The following PDE4D variants were observed in gnomAD, a reference collection of about 807,000 sequenced individuals.
PDE4D encodes the protein phosphodiesterase 4D.
A neutral mutation model predicts 87.4 loss-of-function variants in PDE4D; 24 were observed. The ratio of observed to expected loss-of-function variants is 0.27; its 90% CI spans 0.20 to 0.39. The LOEUF (loss-of-function observed/expected upper bound fraction) is 0.39, where lower values mean the gene tolerates loss of function less well. Ranked by LOEUF, PDE4D falls within the 10% of genes least tolerant of loss-of-function variation. PDE4D has a pLI of 1.00. For synonymous variants in PDE4D, 384 were observed against 383.2 expected (o/e 1.00, Z -0.02); for missense variants, 714 against 1,041.0 (o/e 0.69, Z 4.32).
At chr5:59,903,333 T>C (rs928143237) in intron 3 of PDE4D, among the ~76,000 whole-genome samples, 8 of 151,844 alleles carry the variant, frequency 5.3e-5, no homozygotes, top group East Asian at 3.8e-4. Context: ...TAGTTTAAAA[T>C]AGAAGATGGG....
At position 59,447,837 on chromosome 5, in the gene PDE4D, G is replaced by A. The variant is rs552532537; in HGVS notation, c.456-231869C>T. On this transcript the variant is annotated intron_variant, in intron 1 of 14. Coordinates refer to ENST00000340635, the MANE Select transcript of PDE4D (RefSeq NM_001104631.2). ...GGCATGTGCATGGAAGAGATCTGTG[G>A]CATTTCTAAACAGAAGTTTTAAAAA... Among the ~76,000 whole-genome samples, 11 of 152,278 alleles carry A rather than the reference G, an allele frequency of 7.2e-5. No homozygotes were observed. The South Asian group carries it at 1.9e-3, about 26-fold the overall frequency.
chr5:60,414,906 C>T lies in PDE4D; in HGVS notation c.-90+73036G>A, dbSNP rs1262058481. Reference sequence around the variant, plus strand: ...AAAGTGCCTCTTCGTCTCTGGTATACGTTTTAAAATCTCTCCTTGGTTAAG... The same window carrying T: ...AAAGTGCCTCTTCGTCTCTGGTATATGTTTTAAAATCTCTCCTTGGTTAAG... On this transcript the variant is annotated intron_variant, in intron 1 of 16. Coordinates refer to the PDE4D transcript ENST00000502484. 3.3e-5 allele frequency among the ~76,000 whole-genome samples: 5 copies of T among 151,652 alleles called. No homozygotes were observed. The East Asian group carries it at 7.7e-4, about 23-fold the overall frequency.
chr5:59,348,740 T>C (rs154031), intron 1 of PDE4D, among the ~76,000 whole-genome samples: 45,415 of 151,274 alleles, frequency 0.3, 7,644 homozygotes, highest in East Asian at 0.38. Context: ...CAATCCATCT[T>C]TCCTCTTTAT....
intron 1 of PDE4D, among the ~76,000 whole-genome samples, chr5:60,391,327 G>A (rs909341126): frequency 1.3e-5 from 2 of 152,142 alleles, no homozygotes; most frequent in African/African-American, 4.8e-5. Context: ...CAGCCACCCC[G>A]CAGATTAGTT....
At chr5:59,778,892 C>T (rs1202671474) in intron 1 of PDE4D, among the ~76,000 whole-genome samples, 1 of 152,188 alleles carries the variant, frequency 6.6e-6, no homozygotes, top group East Asian at 1.9e-4. Context: ...TAGGCCAGTG[C>T]AGTGGCTCAC....
Position 59,185,174 on chromosome 5 carries a change from A to T in PDE4D, c.758+15T>A, listed in dbSNP as rs547642323. On this transcript the variant is annotated intron_variant, in intron 4 of 14. Transcript: ENST00000340635. ...AAGTTCAGCAAAAAAGAGGGGGGAA[A>T]AAAGGATATCTTACTTGCTAGGTGC... The T allele has an allele frequency of 1.2e-5, 20 of 1,602,352 alleles. No individual in the cohort carries two copies. The highest frequency in any genetic ancestry group is 1.7e-5 in the Non-Finnish European group (20 of 1,171,804).
chr5:59,586,502 T>C (rs1254902419), intron 1 of PDE4D: 57 of 1,056,066 alleles, frequency 5.4e-5, no homozygotes, highest in Middle Eastern at 3.6e-4. Context: ...AAGTATTGAA[T>C]CCCAAAAAAA....
chr5:59,680,062 C>A (rs1398604760), intron 1 of PDE4D, among the ~76,000 whole-genome samples: 1 of 152,008 alleles, frequency 6.6e-6, no homozygotes, highest in Non-Finnish European at 1.5e-5. Context: ...GCATTTTATC[C>A]ATTTTTAAAG....
At chr5:59,947,786 A>G (rs1490490454) in intron 3 of PDE4D, among the ~76,000 whole-genome samples, 2 of 152,320 alleles carry the variant, frequency 1.3e-5, no homozygotes, top group East Asian at 3.9e-4. Flanking sequence ...AGGCAGGTGG[A>G]TCACAAGGTC....
rs185542740 is a variant in PDE4D at position 59,656,505 on chromosome 5, C to T, written c.455+236663G>A. Among the ~76,000 whole-genome samples, 8 of 152,272 alleles carry T rather than the reference C, an allele frequency of 5.3e-5. No homozygotes were observed. The East Asian group carries it at 5.8e-4, about 11-fold the overall frequency. On this transcript the variant is annotated intron_variant, in intron 1 of 14. Transcript: ENST00000340635. The stretch of plus-strand genomic sequence containing the variant: ...TAAGTCCACGTGTCATGTGGCTGAC[C>T]AGAAAGCAGTTATAGCCAATGACAC...
At chr5:59,013,236 C>A (rs4700318) in intron 6 of PDE4D, among the ~76,000 whole-genome samples, 31,142 of 151,688 alleles carry the variant, frequency 0.21, 3,656 homozygotes, top group East Asian at 0.55. Flanking sequence ...CACAATTAAA[C>A]GAACTAGAAA....
At chr5:59,333,887 A>G (rs1440994805) in intron 1 of PDE4D, among the ~76,000 whole-genome samples, 1 of 151,932 alleles carries the variant, frequency 6.6e-6, no homozygotes, top group African/African-American at 2.4e-5. Context: ...AATCTCATTA[A>G]GTAAATATAA....
chr5:59,200,620 T>C (rs1358646865), intron 2 of PDE4D, among the ~76,000 whole-genome samples: 2 of 136,596 alleles, frequency 1.5e-5, no homozygotes, highest in East Asian at 4.3e-4. Flanking sequence ...GATACACGTA[T>C]ACATACACGT....
At chr5:60,462,505 T>A (rs897454092) in intron 1 of PDE4D, among the ~76,000 whole-genome samples, 20 of 152,246 alleles carry the variant, frequency 1.3e-4, no homozygotes, top group Middle Eastern at 3.4e-3. Flanking sequence ...ATAAATCATA[T>A]AATGAAATGA....
At chr5:59,572,189 T>C (rs1177259500) in intron 1 of PDE4D, among the ~76,000 whole-genome samples, 1 of 152,162 alleles carries the variant, frequency 6.6e-6, no homozygotes, top group Non-Finnish European at 1.5e-5. Flanking sequence ...CCTTAAGAAT[T>C]ACAAAAGGTT....
intron 5 of PDE4D, among the ~76,000 whole-genome samples, chr5:59,146,539 G>C (rs1778687092): frequency 6.6e-6 from 1 of 151,794 alleles, no homozygotes; most frequent in Admixed American, 6.6e-5. Flanking sequence ...AAATGAGTTA[G>C]TTGTTTCATC....
chr5:59,435,363 C>T (rs1796653893), intron 1 of PDE4D, among the ~76,000 whole-genome samples: 2 of 152,176 alleles, frequency 1.3e-5, no homozygotes, highest in Admixed American at 1.3e-4. Context: ...GCTCTCCCTT[C>T]CTCTCCTGTA....
At chr5:59,172,121 A>G (rs1403496798) in intron 5 of PDE4D, among the ~76,000 whole-genome samples, 1 of 83,900 alleles carries the variant, frequency 1.2e-5, no homozygotes, top group Non-Finnish European at 2.0e-5. Context: ...TAATAAATAT[A>G]TATTATATAT....
intron 1 of PDE4D, among the ~76,000 whole-genome samples, chr5:59,416,996 T>C (rs1204820465): frequency 6.6e-6 from 1 of 152,196 alleles, no homozygotes; most frequent in Non-Finnish European, 1.5e-5. Flanking sequence ...ATATATGAAG[T>C]ATTTCACCCA....
Sources: gnomAD v4.1 joint callset for allele counts (sites outside exome capture counted in the v4.1 genomes callset) on GRCh38, gnomAD v4.1.1 for gene constraint, MANE v1.5 for transcripts, NCBI Gene and HGNC (gene_info 2026-07-23, HGNC 2026-07-21) for gene names.